Variants in OTOA observed in about 807,000 individuals in gnomAD.
OTOA encodes otoancorin, also known as cancer/testis antigen 108.
A neutral mutation model predicts 110.8 loss-of-function variants in OTOA; 70 were observed. The observed-to-expected ratio is 0.63, with a 90% CI of 0.52 to 0.77. The LOEUF is 0.77. Ranked by LOEUF, OTOA falls within the 30% of genes least tolerant of loss-of-function variation. The pLI, the probability that OTOA is intolerant of heterozygous loss-of-function variation, is 0.00. For missense variants in OTOA, 917 were observed against 1,075.8 expected, an observed-to-expected ratio of 0.85 and a Z score of 2.06; for synonymous variants, 373 against 431.5, an observed-to-expected ratio of 0.86 and a Z score of 1.68.
intron 28 of OTOA, among the ~76,000 whole-genome samples, chr16:21,758,384 G>C (rs1900062142): frequency 2.7e-5 from 4 of 149,346 alleles, no homozygotes; most frequent in Admixed American, 2.0e-4. Context: ...TGCTGAGATG[G>C]GGAACACACA....
At chr16:21,685,382 CG>C in intron 7 of OTOA, 21 bp downstream of exon 7, 1 of 1,607,692 alleles carries the variant, frequency 6.2e-7, no homozygotes, top group South Asian at 1.1e-5. Flanking sequence ...CTTGGCATCC[CG>C]GGGATAGAGG....
chr16:21,707,854 G>C (rs2141685510), intron 12 of OTOA, among the ~76,000 whole-genome samples: 1 of 145,062 alleles, frequency 6.9e-6, no homozygotes, highest in South Asian at 2.2e-4. Context: ...GAGTGCGGTA[G>C]CACGATCTTG....
intron 12 of OTOA, among the ~76,000 whole-genome samples, chr16:21,707,629 C>CTTTCT (rs911238155): frequency 5.1e-5 from 5 of 97,522 alleles, no homozygotes; most frequent in African/African-American, 1.5e-4. Flanking sequence ...TTCTTTCTTT[C>CTTTCT]TTTCTTTCTT....
At chr16:21,729,446 C>A (rs1899037269) in intron 20 of OTOA, 1 of 152,142 alleles carries the variant, frequency 6.6e-6, no homozygotes, top group Non-Finnish European at 1.5e-5. Context: ...TGATCAATAT[C>A]CCCCACCAAA....
intron 11 of OTOA, among the ~76,000 whole-genome samples, chr16:21,704,678 C>T (rs1291700685): frequency 2.0e-5 from 3 of 152,036 alleles, no homozygotes; most frequent in African/African-American, 7.2e-5. Context: ...TTTGCCCATG[C>T]GCAATGGAAA....
At chr16:21,759,716 T>C (rs111243790) in intron 28 of OTOA, among the ~76,000 whole-genome samples, 30 of 152,000 alleles carry the variant, frequency 2.0e-4, no homozygotes, top group South Asian at 6.2e-4. Context: ...GCCTGGCCAA[T>C]ATGGTGAAAC....
At chr16:21,688,185 C>T (rs1030562698) in intron 8 of OTOA, among the ~76,000 whole-genome samples, 6 of 151,922 alleles carry the variant, frequency 3.9e-5, no homozygotes, top group African/African-American at 7.3e-5. Context: ...GTCAGCAGTT[C>T]GAGACCAGCC....
chr16:21,749,817 G>A (rs1899768557), intron 24 of OTOA, among the ~76,000 whole-genome samples: 1 of 134,620 alleles, frequency 7.4e-6, no homozygotes, highest in Non-Finnish European at 1.6e-5. Context: ...CCAAGTAGCT[G>A]GGACCACAGG....
chr16:21,678,627 A>T, intron 2 of OTOA, 22 bp downstream of exon 2: 1 of 1,597,760 alleles, frequency 6.3e-7, no homozygotes. Flanking sequence ...GGGAAGAATC[A>T]CCCTTTGTGG....
intron 1 of OTOA, among the ~76,000 whole-genome samples, chr16:21,674,377 C>A (rs1013655874): frequency 6.6e-6 from 1 of 152,134 alleles, no homozygotes; most frequent in South Asian, 2.1e-4. Context: ...GTGGTGCAAT[C>A]TTGGCTCACT....
chr16:21,702,044 G>A (rs912242318), intron 11 of OTOA, among the ~76,000 whole-genome samples: 5 of 147,582 alleles, frequency 3.4e-5, no homozygotes, highest in African/African-American at 1.0e-4. Flanking sequence ...TCCACCTCCA[G>A]ATTCAAGAGA....
At chr16:21,759,907 T>C (rs1024294911) in intron 28 of OTOA, among the ~76,000 whole-genome samples, 1 of 151,930 alleles carries the variant, frequency 6.6e-6, no homozygotes, top group African/African-American at 2.4e-5. Flanking sequence ...CTTAAATTTT[T>C]TTTTTTAATG....
rs1374016840 is a variant in OTOA at position 21,671,233 on chromosome 16, G to T, written c.-5+7001G>T. On this transcript the variant is annotated intron_variant, in intron 1 of 28. Coordinates refer to ENST00000646100, the MANE Select transcript of OTOA (RefSeq NM_144672.4). ...TTTTACCCTCATACGACACAGTGAT[G>T]CTGGTACCATCATTAATCTCATTTT... Among the ~76,000 whole-genome samples, 6 of 152,198 alleles carry T rather than the reference G, an allele frequency of 3.9e-5. No homozygotes were observed. In the East Asian group the frequency reaches 9.6e-4, roughly 24 times the overall value.
At chr16:21,692,014 A>T (rs1897839758) in intron 9 of OTOA, among the ~76,000 whole-genome samples, 2 of 152,156 alleles carry the variant, frequency 1.3e-5, no homozygotes, top group African/African-American at 4.8e-5. Flanking sequence ...CAAAATCTGT[A>T]TAAAAAAATC....
intron 10 of OTOA, among the ~76,000 whole-genome samples, chr16:21,699,058 C>A (rs1003804568): frequency 2.0e-5 from 3 of 152,152 alleles, no homozygotes; most frequent in Non-Finnish European, 4.4e-5. Context: ...TCAATTGATT[C>A]TCCTGCCTCA....
intron 6 of OTOA, among the ~76,000 whole-genome samples, chr16:21,683,887 G>A (rs1966945366): frequency 6.6e-6 from 1 of 151,160 alleles, no homozygotes; most frequent in African/African-American, 2.4e-5. Context: ...TCCTGCCTCA[G>A]CCTCCTGAGT....
intron 18 of OTOA, among the ~76,000 whole-genome samples, chr16:21,723,574 G>A (rs965826086): frequency 2.0e-5 from 3 of 152,128 alleles, no homozygotes; most frequent in Non-Finnish European, 4.4e-5. Context: ...AGAGGGAATA[G>A]ACAAACATGA....
chr16:21,698,760 C>A (rs1026651255), intron 10 of OTOA, among the ~76,000 whole-genome samples: 1 of 152,004 alleles, frequency 6.6e-6, no homozygotes, highest in African/African-American at 2.4e-5. Context: ...TAGAATTAAC[C>A]CCGCACCCCA....
chr16:21,712,769 T>A (rs1028456902), intron 13 of OTOA, among the ~76,000 whole-genome samples: 1 of 151,216 alleles, frequency 6.6e-6, no homozygotes, highest in African/African-American at 2.4e-5. Context: ...GGCGTGAACC[T>A]GGGAGGCGGT....
Sources: allele counts gnomAD v4.1 joint callset (sites outside exome capture counted in the v4.1 genomes callset), GRCh38; gene constraint gnomAD v4.1.1; transcripts MANE v1.5; gene names NCBI Gene and HGNC (gene_info 2026-07-23, HGNC 2026-07-21).